Variants in AP3D1 observed in about 807,000 individuals in gnomAD.
AP3D1 encodes the protein AP-3 complex subunit delta-1.
In AP3D1, 51 loss-of-function variants were observed where a neutral mutation model predicts 147.6. The ratio of observed to expected loss-of-function variants is 0.35; its 90% CI spans 0.28 to 0.44. AP3D1 has a LOEUF of 0.44. Ranked by LOEUF, AP3D1 falls within the 20% of genes least tolerant of loss-of-function variation. AP3D1 has a pLI of 1.00. For missense variants in AP3D1, 1,421 were observed against 1,624.2 expected, an observed-to-expected ratio of 0.87 and a Z score of 2.15; for synonymous variants, 760 against 663.0, an observed-to-expected ratio of 1.15 and a Z score of -2.25.
intron 5 of AP3D1, among the ~76,000 whole-genome samples, chr19:2,130,755 C>G (rs933703732): frequency 5.9e-5 from 9 of 152,240 alleles, no homozygotes; most frequent in African/African-American, 1.9e-4. Context: ...AGCCCTCTTC[C>G]CTTGTGGCCT....
At chr19:2,151,107 G>A (rs1287266032) in intron 1 of AP3D1, 132 bp downstream of exon 1, 3 of 809,018 alleles carry the variant, frequency 3.7e-6, no homozygotes, top group South Asian at 3.9e-5. Context: ...GGCAGGGCCG[G>A]AGCCCTAAGC....
In AP3D1 at chr19:2,101,858, C is replaced by A; in HGVS notation, c.*315G>T. On this transcript the variant is annotated 3_prime_UTR_variant, in exon 32 of 32. Coordinates refer to ENST00000643116, the MANE Select transcript of AP3D1 (RefSeq NM_001261826.3). ...ATCAGGCCCTGGCCCAGGACAGGAG[C>A]CCCTGAAGCCACATTCAAGGACTCG... The A allele has an allele frequency of 2.9e-6, 1 of 345,784 alleles. No individual in the cohort carries two copies. The highest frequency in any genetic ancestry group is 5.4e-6 in the Non-Finnish European group (1 of 186,234). The allele number at this position is 345,784 out of a possible 1,614,324, so 21.4% of individuals were successfully genotyped here.
chr19:2,103,749 G>A (rs2018025639), intron 31 of AP3D1, among the ~76,000 whole-genome samples: 1 of 152,124 alleles, frequency 6.6e-6, no homozygotes, highest in African/African-American at 2.4e-5. Context: ...GATGGAACAA[G>A]GCCCAGAGGC....
chr19:2,124,680 C>A (rs1423547746), intron 9 of AP3D1, among the ~76,000 whole-genome samples: 2 of 152,176 alleles, frequency 1.3e-5, no homozygotes, highest in African/African-American at 2.4e-5. Flanking sequence ...GTGGCTCATG[C>A]CTGTAATCCC....
chr19:2,137,642 A>G (rs1291111447), intron 3 of AP3D1, 85 bp downstream of exon 3: 7 of 1,133,540 alleles, frequency 6.2e-6, no homozygotes. Context: ...TCTCAAGAAT[A>G]ATAATAATAA....
In AP3D1 at chr19:2,109,203, C is replaced by T. The variant is rs764711501; in HGVS notation, c.3355G>A (p.Ala1119Thr). 20 of 1,597,140 alleles carry T rather than the reference C, an allele frequency of 1.3e-5. No individual in the cohort carries two copies. The highest frequency in any genetic ancestry group is 1.8e-5 in the Admixed American group (1 of 55,690). ...YLITTPCYSD[A>T]FAKLLESGDL... ...CCAGACTCCAGCAACTTAGCAAAGG[C>T]GTCACTGTGGGAGGGACAGGGAGGC... is the stretch of plus-strand genomic sequence containing the variant. The change falls in exon 30 of 32, where the codon GCC becomes ACC. Residue 1119 changes from alanine to threonine, a missense_variant. Ala to Thr is a moderately conservative substitution (Grantham distance 58, BLOSUM62 0). Transcript: ENST00000643116.
rs752467527 is a variant in AP3D1 at position 2,111,295 on chromosome 19, T to C, written c.2975A>G (p.Tyr992Cys). Residue 992 changes from tyrosine (Y) to cysteine (C), a missense_variant, in exon 26 of 32, where the codon TAT becomes TGT. Around this residue, in one of 6 missense-constraint regions of AP3D1, gnomAD observed 791 missense variants for 761.4 expected, o/e 1.04. Transcript: ENST00000643116. Reference sequence around the variant, plus strand: ...GCGGCTGCCACTCACCATTTTAACATAGGAATTTTCAGCGAGGAGGGAGTA... The same window carrying C: ...GCGGCTGCCACTCACCATTTTAACACAGGAATTTTCAGCGAGGAGGGAGTA... ...SSYSLLAENS[Y>C]VKMTCDIRGS... is the part of the protein sequence containing the mutation. 11 of 1,613,824 alleles carry C rather than the reference T, an allele frequency of 6.8e-6. No individual in the cohort carries two copies. Among genetic ancestry groups the C allele is most frequent in the Admixed American group, 6.7e-5 (4 of 60,004 alleles).
intron 16 of AP3D1, chr19:2,117,011 A>G (rs2018474573): frequency 1.2e-6 from 1 of 812,488 alleles, no homozygotes; most frequent in Non-Finnish European, 1.8e-6. Context: ...GAGCAGGCCC[A>G]CTTCGCAGGG....
chr19:2,132,724 C>A (rs1009247809), intron 4 of AP3D1, 146 bp from the exon 5 acceptor site: 2 of 609,376 alleles, frequency 3.3e-6, no homozygotes, highest in East Asian at 2.8e-5. Flanking sequence ...TGCCTTAGCA[C>A]CCCTGCTGCT....
intron 29 of AP3D1, 184 bp from the exon 30 acceptor site, chr19:2,109,391 A>T (rs1599440610): frequency 1.3e-6 from 1 of 746,750 alleles, no homozygotes; most frequent in East Asian, 2.8e-5. Context: ...TCACACCCAG[A>T]AACTGACAAT....
At chr19:2,140,995 G>A (rs1445742747) in intron 1 of AP3D1, among the ~76,000 whole-genome samples, 1 of 152,006 alleles carries the variant, frequency 6.6e-6, no homozygotes, top group Non-Finnish European at 1.5e-5. Context: ...CTGACCTCAG[G>A]TGATCTGCTC....
chr19:2,109,678 C>T (rs908335367), intron 29 of AP3D1, 195 bp downstream of exon 29: 7 of 601,834 alleles, frequency 1.2e-5, no homozygotes, highest in African/African-American at 1.1e-4. Context: ...CGCTGCCTGG[C>T]CTGTGGCTTC....
intron 1 of AP3D1, among the ~76,000 whole-genome samples, chr19:2,140,175 A>G (rs768498640): frequency 8.5e-5 from 13 of 152,052 alleles, no homozygotes; most frequent in Non-Finnish European, 1.9e-4. Flanking sequence ...GAAAAGAACA[A>G]AAAGACCATC....
Position 2,112,974 on chromosome 19 carries a change from G to A in AP3D1, c.2680-7C>T, listed in dbSNP as rs1301400866. On this transcript the variant is annotated splice_region_variant and splice_polypyrimidine_tract_variant and intron_variant, in intron 23 of 31. Transcript: ENST00000643116. ...TGTTCACACTGAGCTCCCCCTGCAG[G>A]GAGCCAGGGCTTGGGGCTCATGCTG... 1 of 1,605,072 alleles carries A rather than the reference G, an allele frequency of 6.2e-7. No individual in the cohort carries two copies. Among genetic ancestry groups the A allele is most frequent in the Non-Finnish European group, 8.5e-7 (1 of 1,176,384 alleles).
chr19:2,162,104 C>T (rs866540719), intron 1 of AP3D1, among the ~76,000 whole-genome samples: 56 of 146,408 alleles, frequency 3.8e-4, no homozygotes, highest in African/African-American at 1.2e-3. Context: ...GGCACGATCT[C>T]GGGTCACTGC....
chr19:2,138,545 G>A lies in AP3D1; in HGVS notation c.192+74C>T. ...TGACTGACAGGTGGACAGACAGGCT[G>A]ATGAATAGGGGACACGTGCTGAGTG... On this transcript the variant is annotated intron_variant, in intron 2 of 31. Coordinates refer to ENST00000643116, the MANE Select transcript of AP3D1 (RefSeq NM_001261826.3). 3.5e-6 allele frequency: 4 copies of A among 1,152,712 alleles called. No individual in the cohort carries two copies. In the South Asian group the frequency reaches 3.7e-5, roughly 11 times the overall value. 71.4% of individuals were successfully genotyped at this position (1,152,712 alleles called of 1,614,324 possible). A position where few individuals can be genotyped will look rare whatever the true frequency, so the allele number is the denominator to read the frequency against.
intron 4 of AP3D1, among the ~76,000 whole-genome samples, chr19:2,135,226 C>CA (rs1362942393): frequency 1.3e-5 from 2 of 150,962 alleles, no homozygotes; most frequent in Non-Finnish European, 3.0e-5. Flanking sequence ...CAAAACAAAA[C>CA]AAAAAAATAA....
intron 31 of AP3D1, among the ~76,000 whole-genome samples, 175 bp downstream of exon 31, chr19:2,108,512 G>T (rs2018173759): frequency 6.6e-6 from 1 of 152,214 alleles, no homozygotes. Context: ...CTTGCTGAGG[G>T]AGAGTCTGTG....
chr19:2,102,351 T>A, intron 31 of AP3D1, 83 bp from the exon 32 acceptor site: 3 of 1,254,794 alleles, frequency 2.4e-6, no homozygotes, highest in Non-Finnish European at 1.1e-6. Context: ...CCCAGCATTT[T>A]GGGAGGCCAA....
Sources: allele counts gnomAD v4.1 joint callset (sites outside exome capture counted in the v4.1 genomes callset), GRCh38; gene constraint gnomAD v4.1.1; regional missense constraint gnomAD v4.1.1; transcripts MANE v1.5; gene names NCBI Gene and HGNC (gene_info 2026-07-23, HGNC 2026-07-21).